The following CATSPERG variants were observed in gnomAD, a reference collection of about 807,000 sequenced individuals.
The protein encoded by CATSPERG is cation channel sperm-associated auxiliary subunit gamma.
A neutral mutation model predicts 145.0 loss-of-function variants in CATSPERG; 115 were observed. The ratio of observed to expected loss-of-function variants is 0.79; its 90% CI spans 0.68 to 0.93. CATSPERG has a LOEUF of 0.93. CATSPERG is among the 40% of genes least tolerant of loss of function. CATSPERG has a pLI of 0.00. For synonymous variants in CATSPERG, 588 were observed against 589.0 expected (o/e 1.00, Z 0.02); for missense variants, 1,296 against 1,490.1 (o/e 0.87, Z 2.14).
chr19:38,351,850 T>A (rs968457184), intron 7 of CATSPERG, among the ~76,000 whole-genome samples: 10 of 152,098 alleles, frequency 6.6e-5, no homozygotes, highest in Non-Finnish European at 1.5e-4. Context: ...AGTTTGAAGC[T>A]GCAGTGAGCT....
intron 16 of CATSPERG, 124 bp from the exon 17 acceptor site, chr19:38,361,524 T>C (rs1970343973): frequency 1.3e-6 from 1 of 762,476 alleles, no homozygotes; most frequent in African/African-American, 1.8e-5. Context: ...GGGCTGACGC[T>C]GAGGAGGAAG....
rs763404052 is a variant in CATSPERG at position 38,358,360 on chromosome 19, TGGCTGTG to T, written c.1366+36_1366+42del. 3.1e-6 allele frequency: 5 copies of T among 1,614,040 alleles called. No homozygotes were observed. The East Asian group carries it at 8.9e-5, about 29-fold the overall frequency. On this transcript the variant is annotated intron_variant, in intron 12 of 28. Coordinates refer to ENST00000409235, the MANE Select transcript of CATSPERG (RefSeq NM_021185.5). ...AGGGAAGGCAGACGTGGCCTCAGGG[TGGCTGTG>T]GGCCAGGAGGGGCCCAGGTGACTCC...
intron 26 of CATSPERG, 110 bp downstream of exon 26, chr19:38,368,247 C>T: frequency 2.3e-6 from 2 of 879,016 alleles, no homozygotes; most frequent in Admixed American, 4.1e-5. Context: ...ACACTGACTG[C>T]CTTTGTGTTA....
chr19:38,367,252 A>G lies in CATSPERG; in HGVS notation c.2710A>G (p.Lys904Glu). The G allele has an allele frequency of 6.2e-7, 1 of 1,613,948 alleles. No homozygotes were observed. Among genetic ancestry groups the G allele is most frequent in the Non-Finnish European group, 8.5e-7 (1 of 1,180,020 alleles). Residue 904 changes from lysine (K) to glutamate (E), a missense_variant, in exon 23 of 29, where the codon AAA becomes GAA. Coordinates refer to ENST00000409235, the MANE Select transcript of CATSPERG (RefSeq NM_021185.5). ...YTLEYSRLKN[K>E]HYFDCVNVNP... ...GCTGGAATACAGCCGCCTGAAGAAC[A>G]AACACTACTTTGACTGCGTTAACGT...
intron 17 of CATSPERG, 168 bp from the exon 18 acceptor site, chr19:38,362,042 G>A: frequency 1.1e-6 from 1 of 945,418 alleles, no homozygotes; most frequent in Admixed American, 2.4e-5. Flanking sequence ...GAAGGCGTTG[G>A]GGGTGTGGCC....
Position 38,367,767 on chromosome 19 carries a change from C to T in CATSPERG, c.2921C>T (p.Pro974Leu), listed in dbSNP as rs1970479138. The T allele has an allele frequency of 6.2e-7, 1 of 1,614,032 alleles. No homozygotes were observed. The highest frequency in any genetic ancestry group is 8.5e-7 in the Non-Finnish European group (1 of 1,179,906). ...GACGAAATCTACCGCTTCAACAGCCCCCTGGACAAGTAATCCCCGTGGGGT... is the reference window on the plus strand; with the variant it reads ...GACGAAATCTACCGCTTCAACAGCCTCCTGGACAAGTAATCCCCGTGGGGT... ...SEDEIYRFNS[P>L]LDKTNSLIWT... is the part of the protein sequence containing the mutation. Residue 974 changes from proline to leucine, a missense_variant, in exon 25 of 29, where the codon CCC becomes CTC. Transcript: ENST00000409235.
intron 3 of CATSPERG, 70 bp downstream of exon 3, chr19:38,337,716 A>G (rs1291613056): frequency 1.5e-6 from 2 of 1,323,262 alleles, no homozygotes; most frequent in Non-Finnish European, 1.0e-6. Flanking sequence ...ATTTTTATTT[A>G]TTTATTTATT....
chr19:38,344,178 T>C (rs1328730261), intron 5 of CATSPERG, 59 bp downstream of exon 5: 1 of 1,547,688 alleles, frequency 6.5e-7, no homozygotes, highest in Non-Finnish European at 8.7e-7. Context: ...CACCCCAGGG[T>C]CCCCAGAGGA....
rs1045952922 is a variant in CATSPERG, at chr19:38,343,668, G to A, written c.413G>A (p.Arg138His). The change falls in exon 4 of 29, where the codon CGC becomes CAC. Residue 138 changes from arginine (R) to histidine (H), a missense_variant. By Grantham distance (29) the Arg-to-His change is conservative. Transcript: ENST00000409235. Reference sequence around the variant, plus strand: ...TTCCAGTCCCCAGTCAACTTCTACCGCTGGAAGATAGAGCAGCTGCAGATC... The same window carrying A: ...TTCCAGTCCCCAGTCAACTTCTACCACTGGAAGATAGAGCAGCTGCAGATC... ...VTFQSPVNFY[R>H]WKIEQLQIQM... The A allele has an allele frequency of 3.6e-5, 56 of 1,551,350 alleles. No individual in the cohort carries two copies. The East Asian group carries it at 4.4e-4, about 12-fold the overall frequency.
Position 38,362,770 on chromosome 19 carries a change from G to T in CATSPERG, c.2413G>T (p.Gly805Cys). 6.2e-7 allele frequency: 1 copy of T among 1,614,186 alleles called. No individual in the cohort carries two copies. The highest frequency in any genetic ancestry group is 8.5e-7 in the Non-Finnish European group (1 of 1,180,014). ...CGTGGGCGTGGTGCTGGCCGACCCC[G>T]GCTGCATCGAGGCCTCGGTGAAGCA... ...VDVGVVLADP[G>C]CIEASVKQEV... The change falls in exon 20 of 29, where the codon GGC becomes TGC. Residue 805 changes from glycine (G) to cysteine (C), a missense_variant. Gly to Cys is a radical substitution (Grantham distance 159). Transcript: ENST00000409235.
chr19:38,352,611 T>TTC (rs1970163461), intron 8 of CATSPERG, 179 bp downstream of exon 8: 2 of 623,598 alleles, frequency 3.2e-6, no homozygotes, highest in Non-Finnish European at 5.5e-6. Flanking sequence ...TTTTTTTTTT[T>TTC]TTTTTTTTGC....
Position 38,356,471 on chromosome 19 carries a change from C to T in CATSPERG, c.1136-13C>T. ...GGAGAGGGCCTGAACATGAACCCGA[C>T]CTTGCTCTGCAGATGGCCAGGTGTC... is the stretch of plus-strand genomic sequence containing the variant. On this transcript the variant is annotated splice_polypyrimidine_tract_variant and intron_variant, in intron 9 of 28. Coordinates refer to ENST00000409235, the MANE Select transcript of CATSPERG (RefSeq NM_021185.5). 1.9e-6 allele frequency: 3 copies of T among 1,613,712 alleles called. No individual in the cohort carries two copies. Among genetic ancestry groups the T allele is most frequent in the Non-Finnish European group, 2.5e-6 (3 of 1,179,764 alleles).
chr19:38,359,781 G>C, intron 14 of CATSPERG, 200 bp downstream of exon 14: 1 of 1,329,446 alleles, frequency 7.5e-7, no homozygotes. Context: ...GCAGACCGGA[G>C]CTATGATCCG....
intron 25 of CATSPERG, 114 bp from the exon 26 acceptor site, chr19:38,367,934 C>T (rs1274848954): frequency 6.0e-6 from 7 of 1,174,152 alleles, no homozygotes; most frequent in Non-Finnish European, 8.9e-6. Context: ...CTGCCCGCCC[C>T]TAACACCATG....
intron 1 of CATSPERG, chr19:38,337,013 A>G (rs993500164): frequency 2.4e-5 from 15 of 619,382 alleles, no homozygotes; most frequent in Non-Finnish European, 3.9e-5. Context: ...GAACAAGAGC[A>G]GAGGCGGGGC....
Position 38,360,392 on chromosome 19 carries a change from C to T in CATSPERG, c.1609-97C>T, listed in dbSNP as rs188408847. On this transcript the variant is annotated intron_variant, in intron 14 of 28. Transcript: ENST00000409235. ...TGGAGGTGAGTTTCCAAACTTCATC[C>T]CTCAAACAATGGGGCCACCACACTG... 5.3e-4 allele frequency: 823 copies of T among 1,538,384 alleles called. 2 individuals carry two copies. The African/African-American group carries it at 7.2e-3, about 13-fold the overall frequency.
intron 6 of CATSPERG, 33 bp downstream of exon 6, chr19:38,344,401 G>A (rs879305068): frequency 1.8e-5 from 28 of 1,537,550 alleles, no homozygotes; most frequent in East Asian, 2.4e-5. Context: ...AAAGACAATG[G>A]TCTGGGCCTT....
chr19:38,348,480 T>G (rs1459087016), intron 7 of CATSPERG, among the ~76,000 whole-genome samples: 3 of 148,758 alleles, frequency 2.0e-5, no homozygotes, highest in South Asian at 4.2e-4. Context: ...TTTTTTTGTT[T>G]TTTTTTTTTT....
chr19:38,364,410 C>T (rs888978544), intron 20 of CATSPERG, among the ~76,000 whole-genome samples: 2 of 151,766 alleles, frequency 1.3e-5, no homozygotes, highest in African/African-American at 4.8e-5. Flanking sequence ...GATGGGCGGC[C>T]GGGCAGAGAC....
Sources: allele counts gnomAD v4.1 joint callset (sites outside exome capture counted in the v4.1 genomes callset), GRCh38; gene constraint gnomAD v4.1.1; transcripts MANE v1.5; gene names NCBI Gene and HGNC (gene_info 2026-07-23, HGNC 2026-07-21).